PLEKHA7: variants seen among roughly 807,000 people sequenced by gnomAD.
PLEKHA7 encodes the protein pleckstrin homology domain-containing family A member 7.
A neutral mutation model predicts 170.0 loss-of-function variants in PLEKHA7; 104 were observed. That is an observed-to-expected ratio of 0.61 (90% CI 0.52 to 0.72). PLEKHA7 has a LOEUF of 0.72. Ranked by LOEUF, PLEKHA7 falls within the 30% of genes least tolerant of loss-of-function variation. PLEKHA7 has a pLI of 0.00. For synonymous variants in PLEKHA7, 648 were observed against 660.8 expected (o/e 0.98, Z 0.30); for missense variants, 1,615 against 1,671.7 (o/e 0.97, Z 0.59).
chr11:16,871,850 G>A (rs1012446839), intron 3 of PLEKHA7, among the ~76,000 whole-genome samples: 1 of 152,164 alleles, frequency 6.6e-6, no homozygotes, highest in Non-Finnish European at 1.5e-5. Flanking sequence ...TTCTTTGAAA[G>A]GGAGGAGGAG....
At chr11:16,923,451 A>C (rs537121742) in intron 3 of PLEKHA7, among the ~76,000 whole-genome samples, 1 of 152,216 alleles carries the variant, frequency 6.6e-6, no homozygotes, top group African/African-American at 2.4e-5. Context: ...TTCCCCAACA[A>C]ACCAGGGTTT....
intron 3 of PLEKHA7, among the ~76,000 whole-genome samples, chr11:16,905,579 G>A (rs1464205327): frequency 6.6e-6 from 1 of 152,182 alleles, no homozygotes; most frequent in East Asian, 1.9e-4. Context: ...CTGGGGTGGA[G>A]CCACAGAACC....
At position 16,910,918 on chromosome 11, in the gene PLEKHA7, T is replaced by C. The variant is rs150400406; in HGVS notation, c.222-39736A>G. On this transcript the variant is annotated intron_variant, in intron 3 of 26. Coordinates refer to ENST00000531066, the MANE Select transcript of PLEKHA7 (RefSeq NM_001329630.2). ...AGGCTTGGCTCCAGCTGTAATCTACTGTGTGATCCTGGGCAAGTCACTTAA... is the reference window on the plus strand; with the variant it reads ...AGGCTTGGCTCCAGCTGTAATCTACCGTGTGATCCTGGGCAAGTCACTTAA... 3.7e-3 allele frequency among the ~76,000 whole-genome samples: 566 copies of C among 152,340 alleles called. 3 individuals carry two copies. Among genetic ancestry groups the C allele is most frequent in the African/African-American group, 0.013 (542 of 41,572 alleles).
chr11:16,931,986 A>G (rs1013104813), intron 3 of PLEKHA7, among the ~76,000 whole-genome samples: 1 of 152,200 alleles, frequency 6.6e-6, no homozygotes. Context: ...TGACACCTGC[A>G]CAGTCTCATC....
At chr11:16,816,670 A>G (rs1849779449) in intron 11 of PLEKHA7, 130 bp downstream of exon 11, 2 of 1,147,794 alleles carry the variant, frequency 1.7e-6, no homozygotes, top group Admixed American at 4.7e-5. Flanking sequence ...GGCATCTATT[A>G]TTAAAATGTA....
At chr11:16,959,401 T>C (rs551403226) in intron 3 of PLEKHA7, among the ~76,000 whole-genome samples, 1 of 152,346 alleles carries the variant, frequency 6.6e-6, no homozygotes, top group South Asian at 2.1e-4. Context: ...TCCTGTCTTG[T>C]GTGTGCCAGA....
intron 23 of PLEKHA7, chr11:16,786,853 T>C: frequency 3.0e-6 from 3 of 985,360 alleles, no homozygotes; most frequent in Non-Finnish European, 3.6e-6. Context: ...TATTGGGAAT[T>C]TTCAACAAGA....
In PLEKHA7 at chr11:16,826,034, T is replaced by TA. The variant is rs989642737; in HGVS notation, c.1343+85dup. ...GCAGTAAAGAGTTTAAGGCTGCCCT[T>TA]ACGCAGCAAGTGCTGGCTAAATGAC... On this transcript the variant is annotated intron_variant, in intron 10 of 26. Coordinates refer to ENST00000531066, the MANE Select transcript of PLEKHA7 (RefSeq NM_001329630.2). 2.6e-5 allele frequency: 36 copies of TA among 1,359,150 alleles called. No homozygotes were observed. In the African/African-American group the frequency reaches 4.6e-4, roughly 17 times the overall value. The allele number at this position is 1,359,150 out of a possible 1,614,324, so 84.2% of individuals were successfully genotyped here. A position where few individuals can be genotyped will look rare whatever the true frequency, so the allele number is the denominator to read the frequency against.
chr11:16,981,801 A>G (rs1363348690), intron 3 of PLEKHA7, among the ~76,000 whole-genome samples: 1 of 152,138 alleles, frequency 6.6e-6, no homozygotes, highest in East Asian at 1.9e-4. Flanking sequence ...ATTTCAACAG[A>G]GCCACCATTG....
In PLEKHA7 at chr11:16,778,916, T is replaced by C; in HGVS notation, c.*82A>G. ...GATTCCCTGCTCAGCTGGAAGGGGT[T>C]TCCTTGGGGGCAGAAAGGTCATCTC... On this transcript the variant is annotated 3_prime_UTR_variant, in exon 27 of 27. Coordinates refer to ENST00000531066, the MANE Select transcript of PLEKHA7 (RefSeq NM_001329630.2). 2.8e-6 allele frequency: 2 copies of C among 701,958 alleles called. No individual in the cohort carries two copies. The highest frequency in any genetic ancestry group is 5.2e-6 in the Non-Finnish European group (2 of 384,562). 43.5% of individuals were successfully genotyped at this position (701,958 alleles called of 1,614,324 possible).
At chr11:16,955,447 G>T (rs1470556952) in intron 3 of PLEKHA7, among the ~76,000 whole-genome samples, 1 of 152,096 alleles carries the variant, frequency 6.6e-6, no homozygotes, top group Non-Finnish European at 1.5e-5. Flanking sequence ...CACTGAACTG[G>T]GCTTAAAGGA....
chr11:16,957,619 TGTG>T (rs1249792139), intron 3 of PLEKHA7, among the ~76,000 whole-genome samples: 1 of 152,080 alleles, frequency 6.6e-6, no homozygotes, highest in Non-Finnish European at 1.5e-5. Context: ...ACACCATGAA[TGTG>T]GTGAACACCA....
intron 3 of PLEKHA7, among the ~76,000 whole-genome samples, chr11:16,892,180 G>A (rs1856663234): frequency 6.6e-6 from 1 of 152,180 alleles, no homozygotes; most frequent in Non-Finnish European, 1.5e-5. Context: ...CACGAGCTCT[G>A]TGAATCTATG....
At chr11:16,884,401 G>C (rs540418670) in intron 3 of PLEKHA7, among the ~76,000 whole-genome samples, 2 of 152,382 alleles carry the variant, frequency 1.3e-5, no homozygotes, top group Non-Finnish European at 2.9e-5. Flanking sequence ...GGGAGGCCAA[G>C]GCAGGCAGAT....
chr11:17,004,684 T>C (rs939857327), intron 3 of PLEKHA7, among the ~76,000 whole-genome samples: 5 of 152,112 alleles, frequency 3.3e-5, no homozygotes, highest in Admixed American at 3.3e-4. Flanking sequence ...TGAGTCACCA[T>C]GCCCAGCCCA....
chr11:16,906,326 C>CCCTCTCCCT (rs1565098598), intron 3 of PLEKHA7, among the ~76,000 whole-genome samples: 4 of 132,260 alleles, frequency 3.0e-5, no homozygotes, highest in African/African-American at 1.2e-4. Context: ...TCCCTCCTCT[C>CCCTCTCCCT]ACTCTCCCTC....
chr11:17,014,054 A>T lies in PLEKHA7; in HGVS notation c.164-8T>A, dbSNP rs757695139. ...CCCAGCCGCGGGGCAGGTCTGCGGA[A>T]ACGCCAGAAAAGTCGGGTCAAACTT... On this transcript the variant is annotated splice_polypyrimidine_tract_variant and splice_region_variant and intron_variant, in intron 2 of 26. Transcript: ENST00000531066. 6.4e-7 allele frequency: 1 copy of T among 1,568,710 alleles called. No individual in the cohort carries two copies. Among genetic ancestry groups the T allele is most frequent in the Non-Finnish European group, 8.6e-7 (1 of 1,157,768 alleles).
intron 3 of PLEKHA7, among the ~76,000 whole-genome samples, chr11:16,890,007 T>C (rs1205764900): frequency 6.6e-6 from 1 of 152,146 alleles, no homozygotes; most frequent in Non-Finnish European, 1.5e-5. Context: ...TCCAGTCTTC[T>C]TAAAGAAAAA....
chr11:16,795,804 A>G (rs1848184689), intron 17 of PLEKHA7, among the ~76,000 whole-genome samples: 1 of 151,152 alleles, frequency 6.6e-6, no homozygotes, highest in South Asian at 2.1e-4. Flanking sequence ...AATAATAATA[A>G]TAAAGGTGGT....
Sources: allele counts gnomAD v4.1 joint callset (sites outside exome capture counted in the v4.1 genomes callset), GRCh38; gene constraint gnomAD v4.1.1; transcripts MANE v1.5; gene names NCBI Gene and HGNC (gene_info 2026-07-23, HGNC 2026-07-21).